DMTF1: variants seen among roughly 807,000 people sequenced by gnomAD.
The protein encoded by DMTF1 is cyclin-D-binding Myb-like transcription factor 1.
A neutral mutation model predicts 91.1 loss-of-function variants in DMTF1; 39 were observed. The ratio of observed to expected loss-of-function variants is 0.43; its 90% CI spans 0.33 to 0.56. DMTF1 has a LOEUF of 0.56. Among genes scored for constraint, DMTF1 ranks in the 20% least tolerant of loss-of-function variants. The pLI, the probability that DMTF1 is intolerant of heterozygous loss-of-function variation, is 0.05. For missense variants in DMTF1, 750 were observed against 914.5 expected (o/e 0.82, Z 2.32); for synonymous variants, 338 against 309.5 (o/e 1.09, Z -0.97).
chr7:87,166,364 A>C, intron 3 of DMTF1, 119 bp from the exon 4 acceptor site: 1 of 1,003,708 alleles, frequency 1.0e-6, no homozygotes, highest in East Asian at 2.6e-5. Flanking sequence ...AGGTTTAGTT[A>C]AATGAGCAAA....
At chr7:87,173,678 T>C (rs1378908867) in intron 6 of DMTF1, 29 bp downstream of exon 6, 2 of 1,464,808 alleles carry the variant, frequency 1.4e-6, no homozygotes, top group South Asian at 1.2e-5. Flanking sequence ...TTTTAGTGCC[T>C]AGTGAAAAAA....
At chr7:87,188,003 C>A in intron 12 of DMTF1, 89 bp from the exon 13 acceptor site, 1 of 948,948 alleles carries the variant, frequency 1.1e-6, no homozygotes, top group Non-Finnish European at 1.7e-6. Context: ...CAAATACTTT[C>A]CCTCCTTACC....
intron 9 of DMTF1, among the ~76,000 whole-genome samples, chr7:87,181,849 TATAATG>T (rs1259800376): frequency 6.6e-6 from 1 of 152,206 alleles, no homozygotes; most frequent in Non-Finnish European, 1.5e-5. Flanking sequence ...AGATTCTGTT[TATAATG>T]ATAAAGACCT....
rs1436785849 is a variant in DMTF1 at position 87,193,299 on chromosome 7, C to A, written c.1596C>A (p.Thr532=). Residue 532 remains threonine, a synonymous_variant, in exon 15 of 18, where the codon ACC becomes ACA. Coordinates refer to ENST00000331242, the MANE Select transcript of DMTF1 (RefSeq NM_001142327.2). The part of the protein sequence containing the change: ...PLTLTASPTV[T]LTAAAPASPE... ...CTCTGACTGCTAGTCCCACAGTAAC[C>A]CTGACAGCTGCTGCTCCTGCTTCTC... 6.2e-7 allele frequency: 1 copy of A among 1,613,456 alleles called. No individual in the cohort carries two copies. Among genetic ancestry groups the A allele is most frequent in the Non-Finnish European group, 8.5e-7 (1 of 1,179,598 alleles).
chr7:87,185,315 C>T (rs1798170826), intron 11 of DMTF1, among the ~76,000 whole-genome samples: 1 of 152,078 alleles, frequency 6.6e-6, no homozygotes, highest in Non-Finnish European at 1.5e-5. Context: ...TTTTTTTAAA[C>T]CTCAAATTTT....
At chr7:87,162,287 T>C (rs2129059922) in intron 1 of DMTF1, among the ~76,000 whole-genome samples, 1 of 152,212 alleles carries the variant, frequency 6.6e-6, no homozygotes, top group Non-Finnish European at 1.5e-5. Flanking sequence ...CTCAGGCTGG[T>C]CTCAAACTCC....
intron 14 of DMTF1, among the ~76,000 whole-genome samples, 163 bp downstream of exon 14, chr7:87,191,190 A>C (rs1388164264): frequency 6.6e-6 from 1 of 152,142 alleles, no homozygotes; most frequent in Non-Finnish European, 1.5e-5. Flanking sequence ...CTTTTCTCTC[A>C]TCTGTATATA....
At chr7:87,191,758 G>T (rs1799830398) in intron 14 of DMTF1, among the ~76,000 whole-genome samples, 1 of 152,146 alleles carries the variant, frequency 6.6e-6, no homozygotes, top group Non-Finnish European at 1.5e-5. Context: ...AAGTAGATCA[G>T]TGGTTTCCTG....
At chr7:87,191,763 T>C (rs1028316855) in intron 14 of DMTF1, among the ~76,000 whole-genome samples, 4 of 152,162 alleles carry the variant, frequency 2.6e-5, no homozygotes, top group Admixed American at 2.6e-4. Context: ...GATCAGTGGT[T>C]TCCTGCAGCT....
intron 13 of DMTF1, among the ~76,000 whole-genome samples, 164 bp downstream of exon 13, chr7:87,188,465 C>G (rs73207001): frequency 0.037 from 5,610 of 152,216 alleles, 126 homozygotes; most frequent in East Asian, 0.065. Context: ...TTTGCACACA[C>G]AATGAATGTG....
chr7:87,182,488 T>A (rs1237406461), intron 10 of DMTF1, 151 bp downstream of exon 10: 16 of 701,038 alleles, frequency 2.3e-5, no homozygotes, highest in Non-Finnish European at 3.8e-5. Context: ...CTTGAGCTTA[T>A]TAGATATATC....
intron 1 of DMTF1, among the ~76,000 whole-genome samples, chr7:87,159,653 A>G (rs1791723090): frequency 6.6e-6 from 1 of 152,238 alleles, no homozygotes; most frequent in Non-Finnish European, 1.5e-5. Context: ...AAAATAGTAC[A>G]TATGGTATAA....
In DMTF1 at chr7:87,193,851, A is replaced by G; in HGVS notation, c.1777A>G (p.Ser593Gly). ...SISQAELTVD[S>G]DIQSSDFPEP... Reference sequence around the variant, plus strand: ...ATCCCAAGCAGAACTGACAGTCGATAGTGATATTCAGTCATCTGATTTTCC... The same window carrying G: ...ATCCCAAGCAGAACTGACAGTCGATGGTGATATTCAGTCATCTGATTTTCC... Residue 593 changes from serine to glycine, a missense_variant, in exon 16 of 18, where the codon AGT becomes GGT. Ser to Gly is a moderately conservative substitution (Grantham distance 56, BLOSUM62 0). This residue lies in a region of DMTF1 where 410 missense variants were observed against 420.2 expected (regional missense o/e 0.98). Transcript: ENST00000331242. The G allele has an allele frequency of 6.2e-7, 1 of 1,613,376 alleles. No individual in the cohort carries two copies. The highest frequency in any genetic ancestry group is 8.5e-7 in the Non-Finnish European group (1 of 1,179,576).
chr7:87,164,154 A>C (rs1424629612), intron 2 of DMTF1: 1 of 152,086 alleles, frequency 6.6e-6, no homozygotes, highest in East Asian at 1.9e-4. Flanking sequence ...TACGTGCCAA[A>C]AGTGAGTATT....
Position 87,164,915 on chromosome 7 carries a change from G to A in DMTF1, c.-8-19G>A. 7.0e-7 allele frequency: 1 copy of A among 1,430,952 alleles called. No individual in the cohort carries two copies. Among genetic ancestry groups the A allele is most frequent in the Non-Finnish European group, 9.6e-7 (1 of 1,041,848 alleles). 88.6% of individuals were successfully genotyped at this position (1,430,952 alleles called of 1,614,324 possible). On this transcript the variant is annotated intron_variant, in intron 2 of 17. Coordinates refer to ENST00000331242, the MANE Select transcript of DMTF1 (RefSeq NM_001142327.2). ...GGAATAATTTTTGAAATCCTGATCT[G>A]GAATCTGTTCTTGTACAGATTTGAG...
chr7:87,179,802 ATTG>A (rs1388962605), intron 8 of DMTF1, 100 bp downstream of exon 8: 4 of 1,115,664 alleles, frequency 3.6e-6, no homozygotes, highest in Non-Finnish European at 5.0e-6. Context: ...CAAGGTATTA[ATTG>A]TTGTTAATAT....
In DMTF1 at chr7:87,188,113, A is replaced by G. The variant is rs773440969; in HGVS notation, c.1223A>G (p.Gln408Arg). Residue 408 changes from glutamine (Q) to arginine (R), a missense_variant, in exon 13 of 18, where the codon CAG becomes CGG. This residue lies in a region of DMTF1 where 410 missense variants were observed against 420.2 expected (regional missense o/e 0.98). Transcript: ENST00000331242. ...SFPVLIKGLKQLHENQKNNPT... is the reference protein window; with the variant it reads ...SFPVLIKGLKRLHENQKNNPT... ...TCAGTCTTAATAAAAGGTCTTAAAC[A>G]GTTACATGAGAACCAAAAAAACAAC... 1.2e-6 allele frequency: 2 copies of G among 1,613,828 alleles called. No individual in the cohort carries two copies. The highest frequency in any genetic ancestry group is 2.2e-5 in the East Asian group (1 of 44,860).
chr7:87,168,011 A>G (rs565874136), intron 4 of DMTF1, among the ~76,000 whole-genome samples: 58 of 152,338 alleles, frequency 3.8e-4, no homozygotes, highest in Non-Finnish European at 6.5e-4. Flanking sequence ...CAAATCCTTC[A>G]TGGCGCTGTT....
At chr7:87,160,469 T>G (rs1320474112) in intron 1 of DMTF1, among the ~76,000 whole-genome samples, 1 of 151,898 alleles carries the variant, frequency 6.6e-6, no homozygotes. Flanking sequence ...GAGACGGGGT[T>G]TCAGCATGTT....
Sources: gnomAD v4.1 joint callset for allele counts (sites outside exome capture counted in the v4.1 genomes callset) on GRCh38, gnomAD v4.1.1 for gene constraint, gnomAD v4.1.1 regional missense constraint, MANE v1.5 for transcripts, NCBI Gene and HGNC (gene_info 2026-07-23, HGNC 2026-07-21) for gene names.